The following USP34 variants were observed in gnomAD, a reference collection of about 807,000 sequenced individuals.
The protein encoded by USP34 is ubiquitin specific peptidase 34, also known as ubiquitin carboxyl-terminal hydrolase 34.
Under a neutral mutation model 460.3 loss-of-function variants are expected in USP34, and 70 were observed. That is an observed-to-expected ratio of 0.15 (90% CI 0.13 to 0.19). The LOEUF (loss-of-function observed/expected upper bound fraction) is 0.19. Among genes scored for constraint, USP34 ranks in the 10% least tolerant of loss-of-function variants. The probability of loss-of-function intolerance (pLI) is 1.00; values close to 1 mark genes in which losing one functional copy is unlikely to be tolerated. For missense variants in USP34, 3,985 were observed against 4,236.2 expected, an observed-to-expected ratio of 0.94 and a Z score of 1.65; for synonymous variants, 1,647 against 1,405.3, an observed-to-expected ratio of 1.17 and a Z score of -3.85.
At chr2:61,301,594 G>T in intron 27 of USP34, 140 bp from the exon 28 acceptor site, 2 of 723,628 alleles carry the variant, frequency 2.8e-6, no homozygotes, top group South Asian at 4.0e-5. Flanking sequence ...AAACTCAGTA[G>T]ATTGAGGATA....
chr2:61,397,744 C>T (rs1349659911), intron 3 of USP34, among the ~76,000 whole-genome samples: 4 of 151,960 alleles, frequency 2.6e-5, no homozygotes, highest in Non-Finnish European at 5.9e-5. Flanking sequence ...ATTAAAAATA[C>T]ACAAATTAGC....
At chr2:61,458,421 C>T (rs897837202) in intron 1 of USP34, among the ~76,000 whole-genome samples, 3 of 151,258 alleles carry the variant, frequency 2.0e-5, no homozygotes, top group Non-Finnish European at 4.4e-5. Context: ...ATTAGCCGGG[C>T]GTGGTGGCGG....
intron 18 of USP34, among the ~76,000 whole-genome samples, 194 bp downstream of exon 18, chr2:61,339,157 C>T (rs1156476393): frequency 6.6e-6 from 1 of 152,082 alleles, no homozygotes; most frequent in African/African-American, 2.4e-5. Context: ...CTGAAAAGAG[C>T]AACACTGAGT....
At chr2:61,274,443 G>GAAA (rs199607185) in intron 41 of USP34, among the ~76,000 whole-genome samples, 1 of 126,778 alleles carries the variant, frequency 7.9e-6, no homozygotes, top group Admixed American at 7.7e-5. Flanking sequence ...AGTCAAGACA[G>GAAA]AAAAAAAAAA....
intron 53 of USP34, among the ~76,000 whole-genome samples, chr2:61,237,532 T>G (rs563830793): frequency 4.0e-5 from 6 of 151,314 alleles, no homozygotes; most frequent in Admixed American, 4.0e-4. Context: ...TATCTATGTA[T>G]GTGTATAGCT....
At chr2:61,334,716 G>A (rs372138238) in intron 18 of USP34, among the ~76,000 whole-genome samples, 12 of 152,174 alleles carry the variant, frequency 7.9e-5, no homozygotes, top group Admixed American at 4.6e-4. Context: ...GAAATAAGAC[G>A]CCAGGCATTA....
chr2:61,319,233 A>C lies in USP34; in HGVS notation c.3108T>G (p.Val1036=). ...CCATAGCATGTTGATCTTTACTTCG[A>C]ACTTGATTTAAAAACCAATGGAGTG... is the stretch of plus-strand genomic sequence containing the variant. ...DDALHWFLNQ[V]RSKDQHAMGM... is the part of the protein sequence containing the mutation. The change falls in exon 22 of 80, where the codon GTT becomes GTG. Residue 1036 remains valine (V), a synonymous_variant. Coordinates refer to ENST00000398571, the MANE Select transcript of USP34 (RefSeq NM_014709.4). 6.3e-7 allele frequency: 1 copy of C among 1,593,766 alleles called. No homozygotes were observed. Among genetic ancestry groups the C allele is most frequent in the Non-Finnish European group, 8.5e-7 (1 of 1,174,118 alleles).
intron 50 of USP34, among the ~76,000 whole-genome samples, chr2:61,245,873 A>T (rs1688404626): frequency 6.6e-6 from 1 of 152,200 alleles, no homozygotes; most frequent in Admixed American, 6.5e-5. Context: ...ACCAAAAAAC[A>T]GGTACTGGGG....
At chr2:61,369,358 C>CG (rs1189660976) in intron 10 of USP34, among the ~76,000 whole-genome samples, 3 of 151,938 alleles carry the variant, frequency 2.0e-5, no homozygotes, top group Non-Finnish European at 2.9e-5. Flanking sequence ...AGAAAAGACT[C>CG]GGGGGGCCAG....
At chr2:61,373,235 G>C (rs1462870770) in intron 8 of USP34, among the ~76,000 whole-genome samples, 1 of 151,404 alleles carries the variant, frequency 6.6e-6, no homozygotes, top group Non-Finnish European at 1.5e-5. Flanking sequence ...TATAAAAATA[G>C]ATAGTAAAGG....
chr2:61,349,740 C>T (rs545476741), intron 12 of USP34, among the ~76,000 whole-genome samples: 1 of 152,084 alleles, frequency 6.6e-6, no homozygotes, highest in Admixed American at 6.6e-5. Flanking sequence ...ACTCGGGAGG[C>T]TGAGGCAGGA....
At chr2:61,381,696 C>A (rs978362238) in intron 6 of USP34, among the ~76,000 whole-genome samples, 1 of 152,164 alleles carries the variant, frequency 6.6e-6, no homozygotes, top group African/African-American at 2.4e-5. Flanking sequence ...AAAACCAACC[C>A]ATACAGAGCT....
chr2:61,415,146 C>G (rs575360910), intron 2 of USP34, among the ~76,000 whole-genome samples: 1 of 152,174 alleles, frequency 6.6e-6, no homozygotes, highest in African/African-American at 2.4e-5. Context: ...GGTTCCCTGC[C>G]TCCAGACCCT....
intron 67 of USP34, among the ~76,000 whole-genome samples, chr2:61,219,508 T>TA: frequency 1.3e-5 from 2 of 152,140 alleles, no homozygotes; most frequent in African/African-American, 2.4e-5. Flanking sequence ...CTGTCTCTAC[T>TA]AAAAATACAA....
In USP34 at chr2:61,281,071, A is replaced by G; in HGVS notation, c.5151+19T>C. ...AATTTCAAAAATAGAAACTGCTTCT[A>G]AACACAGTAAAATCTTACCCTAATA... On this transcript the variant is annotated intron_variant, in intron 38 of 79. Transcript: ENST00000398571. 6.2e-7 allele frequency: 1 copy of G among 1,609,552 alleles called. No individual in the cohort carries two copies. Among genetic ancestry groups the G allele is most frequent in the Non-Finnish European group, 8.5e-7 (1 of 1,177,750 alleles).
chr2:61,464,673 G>A (rs574226168), intron 1 of USP34, among the ~76,000 whole-genome samples: 12 of 128,746 alleles, frequency 9.3e-5, no homozygotes, highest in Non-Finnish European at 1.7e-4. Flanking sequence ...GCCCAAGATC[G>A]CACCACTGCA....
intron 3 of USP34, among the ~76,000 whole-genome samples, chr2:61,399,026 C>G (rs1246286310): frequency 6.6e-6 from 1 of 152,090 alleles, no homozygotes; most frequent in Non-Finnish European, 1.5e-5. Flanking sequence ...AATCTTAGAG[C>G]CACGATTTCT....
chr2:61,316,098 CGGG>C (rs1272807428), intron 23 of USP34, among the ~76,000 whole-genome samples: 2 of 150,824 alleles, frequency 1.3e-5, no homozygotes, highest in African/African-American at 4.9e-5. Context: ...CCCAGCTACT[CGGG>C]AGGTTGAAGC....
chr2:61,350,815 G>A (rs910684893), intron 10 of USP34, 122 bp from the exon 11 acceptor site: 25 of 881,716 alleles, frequency 2.8e-5, no homozygotes, highest in South Asian at 8.8e-5. Flanking sequence ...TTAATATGAC[G>A]GTAAAATGCT....
Sources: allele counts gnomAD v4.1 joint callset (sites outside exome capture counted in the v4.1 genomes callset), GRCh38; gene constraint gnomAD v4.1.1; transcripts MANE v1.5; gene names NCBI Gene and HGNC (gene_info 2026-07-23, HGNC 2026-07-21).